NAALADL1: variants seen among roughly 807,000 people sequenced by gnomAD.
NAALADL1 encodes aminopeptidase NAALADL1.
Under a neutral mutation model 82.8 loss-of-function variants are expected in NAALADL1, and 77 were observed. The observed-to-expected ratio is 0.93, with a 90% CI of 0.77 to 1.12. NAALADL1 has a LOEUF of 1.12. Ranked by LOEUF, NAALADL1 falls within the 50% of genes most tolerant of loss-of-function variation. NAALADL1 has a pLI of 0.00. For synonymous variants in NAALADL1, 358 were observed against 399.2 expected (o/e 0.90, Z 1.23); for missense variants, 956 against 964.0 (o/e 0.99, Z 0.11).
At chr11:65,045,603 A>T in intron 17 of NAALADL1, 146 bp from the exon 18 acceptor site, 1 of 989,504 alleles carries the variant, frequency 1.0e-6, no homozygotes, top group Non-Finnish European at 1.5e-6. Flanking sequence ...GGGAGCTCTT[A>T]CAGCAGTGGC....
Position 65,054,730 on chromosome 11 carries a change from G to A in NAALADL1, c.612C>T (p.Asn204=), listed in dbSNP as rs374873025. 6.9e-5 allele frequency: 112 copies of A among 1,613,330 alleles called. No individual in the cohort carries two copies. The highest frequency in any genetic ancestry group is 5.0e-4 in the Middle Eastern group (3 of 6,060). ...GGVGRGAKAV[N]AAKHGVAGVL... ...CCCCAGCTACCCCGTGCTTGGCAGCGTTCACAGCCTGCAGTGGGCAGAGGA... is the reference window on the plus strand; with the variant it reads ...CCCCAGCTACCCCGTGCTTGGCAGCATTCACAGCCTGCAGTGGGCAGAGGA... Residue 204 remains asparagine, a synonymous_variant, in exon 5 of 18, where the codon AAC becomes AAT. Coordinates refer to ENST00000358658, the MANE Select transcript of NAALADL1 (RefSeq NM_005468.3). The surrounding 1 kb of genome is among the most constrained non-coding windows in gnomAD (Gnocchi z 4.3).
At chr11:65,057,574 G>T in intron 3 of NAALADL1, 81 bp from the exon 4 acceptor site, 2 of 1,515,734 alleles carry the variant, frequency 1.3e-6, no homozygotes, top group East Asian at 2.3e-5. Context: ...TTGCATGGCA[G>T]GAGGGAGAAT....
intron 8 of NAALADL1, among the ~76,000 whole-genome samples, chr11:65,048,813 T>G (rs1946811455): frequency 6.6e-6 from 1 of 152,104 alleles, no homozygotes; most frequent in African/African-American, 2.4e-5. Context: ...ATTTCACAGT[T>G]GAAGAAGCTG....
intron 8 of NAALADL1, among the ~76,000 whole-genome samples, chr11:65,051,690 A>C (rs1946894436): frequency 6.6e-6 from 1 of 151,946 alleles, no homozygotes; most frequent in East Asian, 1.9e-4. Flanking sequence ...ATGGAGTTTG[A>C]CAGCAGTGGC....
In NAALADL1 at chr11:65,048,422, CTCCTGA is replaced by C. The variant is rs753280578; in HGVS notation, c.1199-43_1199-38del. On this transcript the variant is annotated intron_variant, in intron 8 of 17. Transcript: ENST00000358658. The stretch of plus-strand genomic sequence containing the variant: ...GGATAGAGGGTTGGAGGACAGGGTC[CTCCTGA>C]TCCTAGGGTGCCTTAGGAGAAAGGC... The C allele has an allele frequency of 4.3e-6, 7 of 1,611,696 alleles. No homozygotes were observed. The South Asian group carries it at 7.7e-5, about 18-fold the overall frequency.
chr11:65,045,375 C>T lies in NAALADL1; in HGVS notation c.2119G>A (p.Ala707Thr), dbSNP rs1440714086. The change falls in exon 18 of 18, where the codon GCT (alanine) becomes ACT (threonine). Residue 707 changes from alanine to threonine, a missense_variant. Ala to Thr is a moderately conservative substitution (Grantham distance 58). Transcript: ENST00000358658. ...TCAGCCCAAGCTTCAGATCCAGAAG[C>T]TGTGTCCCTGGCCCTGGAGCAGGCA... Reference protein sequence around the residue: ...SNACSRARDTASGSEAWAEVQ... With the variant: ...SNACSRARDTTSGSEAWAEVQ... 1.2e-6 allele frequency: 2 copies of T among 1,612,432 alleles called. No homozygotes were observed. The highest frequency in any genetic ancestry group is 8.5e-7 in the Non-Finnish European group (1 of 1,179,412).
At chr11:65,058,851 C>T (rs569807670), upstream of NAALADL1, among the ~76,000 whole-genome samples, 17 of 152,290 alleles carry the variant, frequency 1.1e-4, no homozygotes, top group African/African-American at 3.4e-4. Context: ...ACAGCAGGGC[C>T]GTGCCCACTG....
chr11:65,053,474 G>C lies in NAALADL1; in HGVS notation c.1078+17C>G, dbSNP rs117460003. The C allele has an allele frequency of 0.019, 30,209 of 1,613,614 alleles. 335 individuals are homozygous for C. Among genetic ancestry groups the C allele is most frequent in the East Asian group, 0.035 (1,573 of 44,870 alleles). On this transcript the variant is annotated intron_variant, in intron 7 of 17. Coordinates refer to ENST00000358658, the MANE Select transcript of NAALADL1 (RefSeq NM_005468.3). The surrounding 1 kb of genome is among the most constrained non-coding windows in gnomAD (Gnocchi z 4.3). ...AGAGCAGGGGCCTGGGGTGCAGGCAGCAAGAGGAGGGCTCACCAGGCTCCA... is the reference window on the plus strand; with the variant it reads ...AGAGCAGGGGCCTGGGGTGCAGGCACCAAGAGGAGGGCTCACCAGGCTCCA...
intron 8 of NAALADL1, among the ~76,000 whole-genome samples, chr11:65,052,759 C>T (rs918793470): frequency 2.0e-5 from 3 of 152,230 alleles, no homozygotes; most frequent in African/African-American, 7.2e-5. Flanking sequence ...CTGTCCACCT[C>T]CTTTCTGGCT....
In NAALADL1 at chr11:65,054,393, T is replaced by C; in HGVS notation, c.888-39A>G. On this transcript the variant is annotated intron_variant, in intron 5 of 17. Transcript: ENST00000358658. The surrounding 1 kb of genome is among the most constrained non-coding windows in gnomAD (Gnocchi z 4.3). ...AGAGGCCCTTCAGGGTAAATGTGAG[T>C]GTGGGGCTTGAAGTCTGGAGGCCAC... The C allele has an allele frequency of 6.2e-7, 1 of 1,612,136 alleles. No homozygotes were observed. The highest frequency in any genetic ancestry group is 8.5e-7 in the Non-Finnish European group (1 of 1,178,764).
At chr11:65,056,996 C>T (rs926352244) in intron 4 of NAALADL1, among the ~76,000 whole-genome samples, 1 of 152,192 alleles carries the variant, frequency 6.6e-6, no homozygotes, top group Non-Finnish European at 1.5e-5. Flanking sequence ...GGATTATAGG[C>T]GTGAGCCACA....
At chr11:65,049,829 C>CCACT (rs975846154) in intron 8 of NAALADL1, among the ~76,000 whole-genome samples, 1 of 152,146 alleles carries the variant, frequency 6.6e-6, no homozygotes, top group Non-Finnish European at 1.5e-5. Context: ...GCTGACTGCA[C>CCACT]CACTGCACTC....
chr11:65,046,318 T>G lies in NAALADL1; in HGVS notation c.1726A>C (p.Ile576Leu). 1 of 1,614,150 alleles carries G rather than the reference T, an allele frequency of 6.2e-7. No individual in the cohort carries two copies. Among genetic ancestry groups the G allele is most frequent in the Non-Finnish European group, 8.5e-7 (1 of 1,180,016 alleles). Residue 576 changes from isoleucine to leucine, a missense_variant, in exon 15 of 18, where the codon ATT becomes CTT. Transcript: ENST00000358658. ...QAVARTAGSV[I>L]LRLSDSFFLP... ...AAGAAGCTGTCACTGAGCCGGAGAA[T>G]CACACTCCCCGCTGTCCGGGCCACA...
chr11:65,053,178 G>A lies in NAALADL1; in HGVS notation c.1198+40C>T. 1 of 1,498,700 alleles carries A rather than the reference G, an allele frequency of 6.7e-7. No homozygotes were observed. The highest frequency in any genetic ancestry group is 1.4e-5 in the African/African-American group (1 of 71,622). 92.8% of individuals were successfully genotyped at this position (1,498,700 alleles called of 1,614,324 possible). A position where few individuals can be genotyped will look rare whatever the true frequency, so the allele number is the denominator to read the frequency against. On this transcript the variant is annotated intron_variant, in intron 8 of 17. Coordinates refer to ENST00000358658, the MANE Select transcript of NAALADL1 (RefSeq NM_005468.3). This position sits in a 1 kb window ranked among gnomAD's most constrained non-coding sequence, Gnocchi z 4.3. ...AGGTGGAACAGGAAGGGGACCTCCG[G>A]GGGCGAAGGTCCCTGGTCCAGGGGA... is the stretch of plus-strand genomic sequence containing the variant.
Position 65,057,964 on chromosome 11 carries a change from G to A in NAALADL1, c.391C>T (p.His131Tyr), listed in dbSNP as rs1947090418. 2 of 1,614,174 alleles carry A rather than the reference G, an allele frequency of 1.2e-6. No individual in the cohort carries two copies. Among genetic ancestry groups the A allele is most frequent in the South Asian group, 1.1e-5 (1 of 91,090 alleles). Residue 131 changes from histidine to tyrosine, a missense_variant, in exon 3 of 18, where the codon CAC (histidine) becomes TAC (tyrosine). Coordinates refer to ENST00000358658, the MANE Select transcript of NAALADL1 (RefSeq NM_005468.3). ...CCGGTCACGTTCTCCTCAGTCCGGT[G>A]GCAGGAGTGGATGATGCCCCCAGTG... ...GPTGGIIHSC[H>Y]RTEENVTGEQ...
chr11:65,057,467 G>T lies in NAALADL1; in HGVS notation c.507C>A (p.Gly169=). 1 of 1,614,038 alleles carries T rather than the reference G, an allele frequency of 6.2e-7. No homozygotes were observed. ...PQGLLVYANR[G]AEEDFKELQT... ...GTAGCTCCTTAAAGTCTTCTTCCGC[G>T]CCCCGGTTGGCATAGACGAGGAGGC... is the stretch of plus-strand genomic sequence containing the variant. Residue 169 remains glycine (G), a synonymous_variant, in exon 4 of 18, where the codon GGC becomes GGA. Transcript: ENST00000358658.
At position 65,054,565 on chromosome 11, in the gene NAALADL1, G is replaced by A; in HGVS notation, c.777C>T (p.Pro259=). Residue 259 remains proline (P), a synonymous_variant, in exon 5 of 18, where the codon CCC becomes CCT. Coordinates refer to ENST00000358658, the MANE Select transcript of NAALADL1 (RefSeq NM_005468.3). This position sits in a 1 kb window ranked among gnomAD's most constrained non-coding sequence, Gnocchi z 4.3. ...YYEYFGDPLT[P]YLPAVPSSFR... ...AGGAAGAGGGGACGGCTGGAAGGTAGGGAGTCAGAGGGTCCCCAAAATACT... is the reference window on the plus strand; with the variant it reads ...AGGAAGAGGGGACGGCTGGAAGGTAAGGAGTCAGAGGGTCCCCAAAATACT... The A allele has an allele frequency of 6.2e-7, 1 of 1,613,792 alleles. No homozygotes were observed. The highest frequency in any genetic ancestry group is 8.5e-7 in the Non-Finnish European group (1 of 1,179,798).
rs762887308 is a variant in NAALADL1 at position 65,046,111 on chromosome 11, G to T, written c.1859C>A (p.Pro620His). The T allele has an allele frequency of 8.2e-5, 132 of 1,614,042 alleles. No individual in the cohort carries two copies. Among genetic ancestry groups the T allele is most frequent in the Non-Finnish European group, 1.1e-4 (132 of 1,180,042 alleles). The change falls in exon 16 of 18, where the codon CCT becomes CAT. Residue 620 changes from proline to histidine, a missense_variant. Physicochemically the swap from Pro to His is moderately conservative, Grantham distance 77. Coordinates refer to ENST00000358658, the MANE Select transcript of NAALADL1 (RefSeq NM_005468.3). ...AAACTTCTCCACTGCAGTCACCAGAGGCCCTGTGAGGAACAAGCAGTGGCT... is the reference window on the plus strand; with the variant it reads ...AAACTTCTCCACTGCAGTCACCAGATGCCCTGTGAGGAACAAGCAGTGGCT... ...LLEQHSISLG[P>H]LVTAVEKFEA...
chr11:65,054,714 C>G lies in NAALADL1; in HGVS notation c.628G>C (p.Val210Leu), dbSNP rs1946990739. 6.2e-7 allele frequency: 1 copy of G among 1,613,796 alleles called. No individual in the cohort carries two copies. The highest frequency in any genetic ancestry group is 8.5e-7 in the Non-Finnish European group (1 of 1,179,946). Residue 210 changes from valine (V) to leucine (L), a missense_variant, in exon 5 of 18, where the codon GTA (valine) becomes CTA (leucine). Physicochemically the swap from Val to Leu is conservative, Grantham distance 32 (BLOSUM62 1). Transcript: ENST00000358658. This position sits in a 1 kb window ranked among gnomAD's most constrained non-coding sequence, Gnocchi z 4.3. ...TCTGTGTACACCAGCACCCCAGCTA[C>G]CCCGTGCTTGGCAGCGTTCACAGCC... ...AKAVNAAKHG[V>L]AGVLVYTDPA...
Sources: allele counts gnomAD v4.1 joint callset (sites outside exome capture counted in the v4.1 genomes callset), GRCh38; gene constraint gnomAD v4.1.1; non-coding constraint Gnocchi (gnomAD v3.1); transcripts MANE v1.5; gene names NCBI Gene and HGNC (gene_info 2026-07-23, HGNC 2026-07-21).